ADAMTSL3: variants seen among roughly 807,000 people sequenced by gnomAD.
ADAMTSL3 encodes ADAMTS like 3, also known as ADAMTS-like protein 3.
A neutral mutation model predicts 201.7 loss-of-function variants in ADAMTSL3; 128 were observed. The ratio of observed to expected loss-of-function variants is 0.63; its 90% CI spans 0.55 to 0.73. ADAMTSL3 has a LOEUF of 0.73. ADAMTSL3 is among the 30% of genes least tolerant of loss of function. ADAMTSL3 has a pLI of 0.00. For synonymous variants in ADAMTSL3, 738 were observed against 748.4 expected (o/e 0.99, Z 0.23); for missense variants, 1,990 against 2,119.6 (o/e 0.94, Z 1.20).
chr15:83,810,373 C>T (rs2141880731), intron 5 of ADAMTSL3, among the ~76,000 whole-genome samples: 1 of 152,308 alleles, frequency 6.6e-6, no homozygotes, highest in Non-Finnish European at 1.5e-5. Flanking sequence ...GCAAGTATGT[C>T]AGTGCCAACG....
intron 22 of ADAMTSL3, 45 bp from the exon 23 acceptor site, chr15:83,991,041 C>G: frequency 6.2e-7 from 1 of 1,611,570 alleles, no homozygotes; most frequent in South Asian, 1.1e-5. Flanking sequence ...TACCAAAGAG[C>G]AAAAGCCTGA....
intron 4 of ADAMTSL3, among the ~76,000 whole-genome samples, chr15:83,801,279 G>A (rs987470924): frequency 3.3e-5 from 5 of 151,822 alleles, no homozygotes; most frequent in Middle Eastern, 3.2e-3. Context: ...ATTAGGTAAC[G>A]CTTTTGGAGG....
chr15:83,693,244 T>C (rs1567076645), intron 2 of ADAMTSL3, among the ~76,000 whole-genome samples: 1 of 152,222 alleles, frequency 6.6e-6, no homozygotes, highest in Non-Finnish European at 1.5e-5. Context: ...TCGGTTGCAC[T>C]GGTGTTATAA....
At chr15:83,782,800 T>C (rs1428776184) in intron 4 of ADAMTSL3, among the ~76,000 whole-genome samples, 1 of 151,696 alleles carries the variant, frequency 6.6e-6, no homozygotes, top group Non-Finnish European at 1.5e-5. Context: ...GGTGACAAAA[T>C]AATCTGTCCA....
intron 4 of ADAMTSL3, among the ~76,000 whole-genome samples, chr15:83,796,226 A>G (rs2063423513): frequency 1.3e-5 from 2 of 152,298 alleles, no homozygotes; most frequent in East Asian, 3.9e-4. Flanking sequence ...AAAAAATGAA[A>G]TAGAAGGATA....
rs148215911 is a variant in ADAMTSL3 at position 84,007,119 on chromosome 15, A to T, written c.3974-7423A>T. Among the ~76,000 whole-genome samples, 21 of 152,274 alleles carry T rather than the reference A, an allele frequency of 1.4e-4. No homozygotes were observed. The Middle Eastern group carries it at 0.01, about 74-fold the overall frequency. On this transcript the variant is annotated intron_variant, in intron 23 of 29. Coordinates refer to ENST00000286744, the MANE Select transcript of ADAMTSL3 (RefSeq NM_207517.3). ...GTGTGGTCCTGTGCTCTTCATTTCA[A>T]ACTTCCTATTTCTGACATTTTCTTT...
intron 13 of ADAMTSL3, 125 bp from the exon 14 acceptor site, chr15:83,897,733 T>C: frequency 9.1e-7 from 1 of 1,095,656 alleles, no homozygotes; most frequent in Non-Finnish European, 1.2e-6. Flanking sequence ...TTACATAATA[T>C]TTGTCTAAAA....
chr15:83,721,925 G>T (rs1016998209), intron 3 of ADAMTSL3, among the ~76,000 whole-genome samples: 1 of 152,058 alleles, frequency 6.6e-6, no homozygotes, highest in Non-Finnish European at 1.5e-5. Context: ...TAGAGATGGG[G>T]TTTCACCATG....
chr15:83,919,344 T>C (rs111917586), intron 16 of ADAMTSL3, among the ~76,000 whole-genome samples: 1 of 152,074 alleles, frequency 6.6e-6, no homozygotes, highest in Non-Finnish European at 1.5e-5. Flanking sequence ...CGCAAAAGTC[T>C]ATGAGAAGAG....
In ADAMTSL3 at chr15:83,850,812, A is replaced by G. The variant is rs149781478; in HGVS notation, c.728-7954A>G. Among the ~76,000 whole-genome samples, 8 of 152,294 alleles carry G rather than the reference A, an allele frequency of 5.3e-5. No individual in the cohort carries two copies. In the East Asian group the frequency reaches 1.5e-3, roughly 29 times the overall value. On this transcript the variant is annotated intron_variant, in intron 7 of 29. Coordinates refer to ENST00000286744, the MANE Select transcript of ADAMTSL3 (RefSeq NM_207517.3). Reference sequence around the variant, plus strand: ...TCCTTAAAATCCTCTGCCTCACAGGATTCTCACTTCATTTCTGGTCAGACC... The same window carrying G: ...TCCTTAAAATCCTCTGCCTCACAGGGTTCTCACTTCATTTCTGGTCAGACC...
chr15:83,785,486 GT>G (rs1210578302), intron 4 of ADAMTSL3, among the ~76,000 whole-genome samples: 1 of 152,174 alleles, frequency 6.6e-6, no homozygotes, highest in Admixed American at 6.5e-5. Flanking sequence ...AGGCCAGCTG[GT>G]TTTTTTGTAG....
At chr15:83,739,155 A>G (rs2062414680) in intron 3 of ADAMTSL3, among the ~76,000 whole-genome samples, 1 of 152,078 alleles carries the variant, frequency 6.6e-6, no homozygotes, top group African/African-American at 2.4e-5. Context: ...TAAAAACAAT[A>G]GCTAAATGCT....
chr15:83,737,030 T>G (rs144502035), intron 3 of ADAMTSL3, among the ~76,000 whole-genome samples: 2 of 152,208 alleles, frequency 1.3e-5, no homozygotes, highest in African/African-American at 2.4e-5. Context: ...AAAGTATAGC[T>G]AATTACTATC....
At chr15:83,796,265 G>A (rs1266167408) in intron 4 of ADAMTSL3, among the ~76,000 whole-genome samples, 1 of 152,104 alleles carries the variant, frequency 6.6e-6, no homozygotes, top group East Asian at 1.9e-4. Context: ...CTACTAAATT[G>A]TGCAGATAGA....
At chr15:83,872,454 AGT>A (rs1285767380) in intron 9 of ADAMTSL3, among the ~76,000 whole-genome samples, 3 of 152,116 alleles carry the variant, frequency 2.0e-5, no homozygotes, top group Non-Finnish European at 4.4e-5. Flanking sequence ...CTTCTTAGAC[AGT>A]CATATTATGA....
intron 25 of ADAMTSL3, among the ~76,000 whole-genome samples, chr15:84,018,509 G>A (rs1274663444): frequency 1.3e-5 from 2 of 152,218 alleles, no homozygotes; most frequent in East Asian, 3.8e-4. Context: ...AGCCACTTTA[G>A]TGAAGACAGT....
At chr15:83,800,447 G>T (rs1419155995) in intron 4 of ADAMTSL3, among the ~76,000 whole-genome samples, 1 of 151,916 alleles carries the variant, frequency 6.6e-6, no homozygotes, top group Non-Finnish European at 1.5e-5. Context: ...ATGGAGTGTA[G>T]ACCATTGCTC....
chr15:83,902,836 T>C (rs2065753224), intron 15 of ADAMTSL3, among the ~76,000 whole-genome samples: 1 of 152,152 alleles, frequency 6.6e-6, no homozygotes, highest in Non-Finnish European at 1.5e-5. Context: ...CCCCACCTGT[T>C]AAGTCTTTTT....
intron 3 of ADAMTSL3, among the ~76,000 whole-genome samples, chr15:83,707,120 G>C (rs1447192503): frequency 1.3e-5 from 2 of 152,174 alleles, no homozygotes; most frequent in African/African-American, 2.4e-5. Context: ...TCTGGAGTCA[G>C]ACTGCTTTGG....
Sources: allele counts gnomAD v4.1 joint callset (sites outside exome capture counted in the v4.1 genomes callset), GRCh38; gene constraint gnomAD v4.1.1; transcripts MANE v1.5; gene names NCBI Gene and HGNC (gene_info 2026-07-23, HGNC 2026-07-21).